IL20RA: variants seen among roughly 807,000 people sequenced by gnomAD.
IL20RA encodes the protein interleukin-20 receptor subunit alpha.
A neutral mutation model predicts 36.5 loss-of-function variants in IL20RA; 29 were observed. That is an observed-to-expected ratio of 0.79 (90% CI 0.59 to 1.08). The LOEUF (loss-of-function observed/expected upper bound fraction) is 1.08. Ranked by LOEUF, IL20RA falls within the 50% of genes least tolerant of loss-of-function variation. IL20RA has a pLI of 0.00. For missense variants in IL20RA, 652 were observed against 668.4 expected (o/e 0.98, Z 0.27); for synonymous variants, 279 against 267.1 (o/e 1.04, Z -0.43).
chr6:137,023,956 C>T (rs1324849957), intron 1 of IL20RA, among the ~76,000 whole-genome samples: 1 of 151,926 alleles, frequency 6.6e-6, no homozygotes, highest in East Asian at 1.9e-4. Context: ...TAGCCAGATA[C>T]AGTGGCAGGC....
At chr6:137,031,173 C>A (rs1776265041) in intron 1 of IL20RA, among the ~76,000 whole-genome samples, 1 of 152,188 alleles carries the variant, frequency 6.6e-6, no homozygotes, top group Admixed American at 6.5e-5. Context: ...TAAAACAGCC[C>A]ATTTCCTCCA....
At chr6:137,016,000 T>C (rs1478376507) in intron 2 of IL20RA, among the ~76,000 whole-genome samples, 1 of 152,126 alleles carries the variant, frequency 6.6e-6, no homozygotes, top group African/African-American at 2.4e-5. Flanking sequence ...TCAAACACCC[T>C]CTCACCAAAT....
intron 1 of IL20RA, among the ~76,000 whole-genome samples, chr6:137,029,422 G>A (rs1379814954): frequency 6.6e-6 from 1 of 152,174 alleles, no homozygotes; most frequent in Non-Finnish European, 1.5e-5. Flanking sequence ...CAGAAGAATT[G>A]CCTGAACCTG....
intron 2 of IL20RA, among the ~76,000 whole-genome samples, chr6:137,015,080 T>G (rs1339678339): frequency 6.6e-6 from 1 of 152,200 alleles, no homozygotes; most frequent in Non-Finnish European, 1.5e-5. Flanking sequence ...TCAACTTGAG[T>G]TCTGCTTTTG....
intron 2 of IL20RA, among the ~76,000 whole-genome samples, chr6:137,014,545 T>C (rs1426914733): frequency 6.6e-6 from 1 of 152,194 alleles, no homozygotes; most frequent in African/African-American, 2.4e-5. Flanking sequence ...TGCAAATGTT[T>C]GTCACCACAA....
intron 1 of IL20RA, among the ~76,000 whole-genome samples, chr6:137,028,541 T>C (rs1776172349): frequency 6.6e-6 from 1 of 152,310 alleles, no homozygotes; most frequent in South Asian, 2.1e-4. Context: ...TTTATATGGA[T>C]GAGCAATACA....
intron 1 of IL20RA, among the ~76,000 whole-genome samples, chr6:137,031,285 G>A (rs931477436): frequency 2.2e-4 from 33 of 152,206 alleles, no homozygotes; most frequent in African/African-American, 7.7e-4. Context: ...CTGTTGCTGG[G>A]GCCCTGGATG....
chr6:137,004,676 C>G lies in IL20RA; in HGVS notation c.809G>C (p.Gly270Ala). The G allele has an allele frequency of 6.2e-7, 1 of 1,612,122 alleles. No homozygotes were observed. Among genetic ancestry groups the G allele is most frequent in the Non-Finnish European group, 8.5e-7 (1 of 1,179,488 alleles). Residue 270 changes from glycine (G) to alanine (A), a missense_variant, in exon 6 of 7, where the codon GGC becomes GCC. Transcript: ENST00000316649. Reference protein sequence around the residue: ...SITVFLFSVMGYSIYRYIHVG... With the variant: ...SITVFLFSVMAYSIYRYIHVG... Reference sequence around the variant, plus strand: ...GTGGATATATCGGTAGATGGAATAGCCCATCACAGAAAAAAGAAACACGGT... The same window carrying G: ...GTGGATATATCGGTAGATGGAATAGGCCATCACAGAAAAAAGAAACACGGT...
At chr6:137,032,581 G>T (rs556612163) in intron 1 of IL20RA, among the ~76,000 whole-genome samples, 1 of 152,128 alleles carries the variant, frequency 6.6e-6, no homozygotes, top group Admixed American at 6.5e-5. Context: ...AAGCATTTGT[G>T]TACAGTAATT....
chr6:137,024,293 G>T lies in IL20RA; in HGVS notation c.89-7190C>A, dbSNP rs116547318. On this transcript the variant is annotated intron_variant, in intron 1 of 6. Transcript: ENST00000316649. ...TCCTGAATAAACATTTCAATGGAGA[G>T]AAATCAATTTTCTAACCTGCTAGTA... Among the ~76,000 whole-genome samples the T allele has an allele frequency of 2.9e-3, 444 of 152,280 alleles. 3 individuals carry two copies. Among genetic ancestry groups the T allele is most frequent in the African/African-American group, 0.01 (420 of 41,542 alleles).
chr6:137,011,769 C>T (rs191742429), intron 2 of IL20RA, among the ~76,000 whole-genome samples: 4 of 152,234 alleles, frequency 2.6e-5, no homozygotes, highest in Admixed American at 2.0e-4. Flanking sequence ...ATCAATTCTT[C>T]TAGTAATTAT....
chr6:137,011,662 CCTTT>C (rs1392700541), intron 2 of IL20RA, among the ~76,000 whole-genome samples: 1 of 152,120 alleles, frequency 6.6e-6, no homozygotes, highest in African/African-American at 2.4e-5. Flanking sequence ...TCTGTAATCA[CCTTT>C]CTTTCTGTGA....
rs71009524 is a variant in IL20RA at position 137,041,815 on chromosome 6, A to AATAT, written c.88+2822_88+2825dup. Among the ~76,000 whole-genome samples the AATAT allele has an allele frequency of 8.5e-3, 1,264 of 149,152 alleles. 12 individuals are homozygous for AATAT. The highest frequency in any genetic ancestry group is 0.024 in the African/African-American group (996 of 40,742). ...GGGAAGACCCTGTTATTTTTTTTTAAATATATATATATATATACTGTAAGT... is the reference window on the plus strand; with the variant it reads ...GGGAAGACCCTGTTATTTTTTTTTAAATATATATATATATATATATACTGTAAGT... On this transcript the variant is annotated intron_variant, in intron 1 of 6. Coordinates refer to ENST00000316649, the MANE Select transcript of IL20RA (RefSeq NM_014432.4).
intron 6 of IL20RA, 32 bp downstream of exon 6, chr6:137,004,589 T>G (rs768048612): frequency 6.2e-7 from 1 of 1,605,096 alleles, no homozygotes; most frequent in Non-Finnish European, 8.5e-7. Flanking sequence ...TGTACTATTA[T>G]AATAAAGAAC....
In IL20RA at chr6:137,009,789, AGAGACGGG is replaced by A. The variant is rs1775416926; in HGVS notation, c.404-305_404-298del. Among the ~76,000 whole-genome samples the A allele has an allele frequency of 2.6e-5, 4 of 152,030 alleles. No homozygotes were observed. In the South Asian group the frequency reaches 8.3e-4, roughly 32 times the overall value. ...CCCAGCTAATTTTTGTATTTTTAGT[AGAGACGGG>A]GTTTCATCATGTTGGCCAGGCTTGT... On this transcript the variant is annotated intron_variant, in intron 3 of 6. Coordinates refer to ENST00000316649, the MANE Select transcript of IL20RA (RefSeq NM_014432.4).
chr6:137,023,038 A>G (rs1197887322), intron 1 of IL20RA, among the ~76,000 whole-genome samples: 4 of 152,220 alleles, frequency 2.6e-5, no homozygotes, highest in Admixed American at 1.3e-4. Context: ...CTTGAATACT[A>G]ACACAGTGCC....
At chr6:137,023,266 A>AGAGACCC (rs61199135) in intron 1 of IL20RA, among the ~76,000 whole-genome samples, 124,034 of 151,272 alleles carry the variant, frequency 0.82, 56,204 homozygotes, top group East Asian at 1. Context: ...TGTTCTAGGC[A>AGAGACCC]CTGAGATGGG....
intron 1 of IL20RA, among the ~76,000 whole-genome samples, chr6:137,025,915 C>CA (rs1333263590): frequency 1.3e-5 from 2 of 152,224 alleles, no homozygotes; most frequent in African/African-American, 2.4e-5. Flanking sequence ...AGGGTGAACT[C>CA]ATAAACAGCC....
intron 6 of IL20RA, 118 bp downstream of exon 6, chr6:137,004,503 A>G (rs1282795896): frequency 9.8e-7 from 1 of 1,018,416 alleles, no homozygotes; most frequent in African/African-American, 1.6e-5. Context: ...TTCACCAGCT[A>G]TTTAACTTTA....
Sources: allele counts gnomAD v4.1 joint callset (sites outside exome capture counted in the v4.1 genomes callset), GRCh38; gene constraint gnomAD v4.1.1; transcripts MANE v1.5; gene names NCBI Gene and HGNC (gene_info 2026-07-23, HGNC 2026-07-21).